Variants in FYB1 observed in about 807,000 individuals in gnomAD.
FYB1 encodes the protein FYN-binding protein 1.
In FYB1, 41 loss-of-function variants were observed where a neutral mutation model predicts 94.1. The ratio of observed to expected loss-of-function variants is 0.44; its 90% confidence interval spans 0.34 to 0.57. FYB1 has a LOEUF of 0.57. Ranked by LOEUF, FYB1 falls within the 20% of genes least tolerant of loss-of-function variation. The pLI is 0.02. For synonymous variants in FYB1, 367 were observed against 353.2 expected (o/e 1.04, Z -0.44); for missense variants, 1,050 against 976.8 (o/e 1.07, Z -1.00).
At chr5:39,239,295 C>G (rs1221603866) in intron 1 of FYB1, among the ~76,000 whole-genome samples, 1 of 152,018 alleles carries the variant, frequency 6.6e-6, no homozygotes, top group Non-Finnish European at 1.5e-5. Context: ...CAACATAGTA[C>G]TGGAAGTCCT....
At chr5:39,245,996 C>T (rs766316424) in intron 1 of FYB1, among the ~76,000 whole-genome samples, 23 of 152,186 alleles carry the variant, frequency 1.5e-4, no homozygotes, top group Non-Finnish European at 2.9e-4. Context: ...GGGATGTCTA[C>T]TTCTACTTTG....
chr5:39,269,019 T>C (rs1465415023), intron 1 of FYB1, among the ~76,000 whole-genome samples: 1 of 152,224 alleles, frequency 6.6e-6, no homozygotes, highest in Non-Finnish European at 1.5e-5. Flanking sequence ...ACCACAGTGC[T>C]CCTGTTTAAG....
At chr5:39,212,459 C>A (rs559416651) in intron 1 of FYB1, among the ~76,000 whole-genome samples, 36 of 152,268 alleles carry the variant, frequency 2.4e-4, no homozygotes, top group African/African-American at 6.7e-4. Context: ...TATTTTGAAA[C>A]CTTACTCTAA....
intron 1 of FYB1, among the ~76,000 whole-genome samples, chr5:39,242,032 A>C (rs543124755): frequency 2.0e-5 from 3 of 152,210 alleles, no homozygotes; most frequent in African/African-American, 7.2e-5. Context: ...AAATCCTTAC[A>C]TGTTTCATTC....
In FYB1 at chr5:39,225,339, G is replaced by A. The variant is rs571397338; in HGVS notation, c.-27-22352C>T. Among the ~76,000 whole-genome samples, 55 of 152,284 alleles carry A rather than the reference G, an allele frequency of 3.6e-4. 1 individual carries two copies. The Middle Eastern group carries it at 0.014, about 38-fold the overall frequency. ...TAGGTTTTTATGTTAGCAAACCAAA[G>A]CCCAATATAAACAATAAGATAAACT... On this transcript the variant is annotated intron_variant, in intron 1 of 1. Coordinates refer to the FYB1 transcript ENST00000510188.
intron 1 of FYB1, among the ~76,000 whole-genome samples, chr5:39,227,363 G>A (rs1343056412): frequency 1.3e-5 from 2 of 152,164 alleles, no homozygotes; most frequent in Non-Finnish European, 2.9e-5. Flanking sequence ...GATGCCAATA[G>A]TATTATGGTT....
intron 16 of FYB1, among the ~76,000 whole-genome samples, chr5:39,116,673 CT>C (rs1739597595): frequency 6.6e-6 from 1 of 152,090 alleles, no homozygotes; most frequent in Admixed American, 6.6e-5. Context: ...GTATCTATTC[CT>C]GTCCATCTAT....
intron 2 of FYB1, among the ~76,000 whole-genome samples, chr5:39,173,898 C>T (rs1389988827): frequency 6.6e-6 from 1 of 152,006 alleles, no homozygotes; most frequent in Admixed American, 6.6e-5. Flanking sequence ...CTTAGTTCTT[C>T]CTGCTTAGTA....
intron 2 of FYB1, among the ~76,000 whole-genome samples, chr5:39,158,587 G>A (rs188740733): frequency 6.6e-6 from 1 of 152,296 alleles, no homozygotes; most frequent in East Asian, 1.9e-4. Flanking sequence ...TGCATTTTAT[G>A]TATTTCTGTT....
At chr5:39,179,986 C>A (rs1440247345) in intron 2 of FYB1, among the ~76,000 whole-genome samples, 1 of 152,126 alleles carries the variant, frequency 6.6e-6, no homozygotes, top group Non-Finnish European at 1.5e-5. Flanking sequence ...CACCCAGTAC[C>A]CCATATTCTC....
rs78551447 is a variant in FYB1 at position 39,124,976 on chromosome 5, G to A, written c.2046-698C>T. On this transcript the variant is annotated intron_variant, in intron 12 of 18. Transcript: ENST00000512982. ...ACACGTACACACACAAACACACCAC[G>A]GAAAGAATGGTGCACAGAACAGAAA... Among the ~76,000 whole-genome samples the A allele has an allele frequency of 3.2e-3, 461 of 142,818 alleles. 2 individuals carry two copies. The highest frequency in any genetic ancestry group is 0.012 in the African/African-American group (451 of 36,794). The allele number at this position is 142,818 out of a possible 152,430, so 93.7% of individuals were successfully genotyped here. A position where few individuals can be genotyped will look rare whatever the true frequency, so the allele number is the denominator to read the frequency against.
upstream of FYB1, among the ~76,000 whole-genome samples, chr5:39,222,388 G>A (rs1260721232): frequency 6.6e-6 from 1 of 152,138 alleles, no homozygotes. Flanking sequence ...ATGTATTAGA[G>A]GCCAAGGGCA....
chr5:39,178,355 G>A (rs1745918208), intron 2 of FYB1, among the ~76,000 whole-genome samples: 1 of 152,192 alleles, frequency 6.6e-6, no homozygotes, highest in Non-Finnish European at 1.5e-5. Flanking sequence ...GATTACAGTA[G>A]CGTTTATTGA....
rs1760313696 is a variant in FYB1, at chr5:39,105,330, T to C, written c.*2113A>G. ...ATACAGAAGACTATAACAGAAATCA[T>C]ATTTAATATATTAAAATTAATACTT... On this transcript the variant is annotated 3_prime_UTR_variant, in exon 19 of 19. Transcript: ENST00000512982. 6.6e-6 allele frequency: 1 copy of C among 152,210 alleles called. No individual in the cohort carries two copies. Among genetic ancestry groups the C allele is most frequent in the Non-Finnish European group, 1.5e-5 (1 of 68,040 alleles). 9.4% of individuals were successfully genotyped at this position (152,210 alleles called of 1,614,324 possible).
At chr5:39,125,467 C>T (rs1740565390) in intron 12 of FYB1, among the ~76,000 whole-genome samples, 1 of 152,018 alleles carries the variant, frequency 6.6e-6, no homozygotes. Context: ...ATTAATATAT[C>T]ATTAGAGTGT....
At chr5:39,152,710 C>T (rs1743352527) in intron 3 of FYB1, among the ~76,000 whole-genome samples, 1 of 152,092 alleles carries the variant, frequency 6.6e-6, no homozygotes, top group Non-Finnish European at 1.5e-5. Flanking sequence ...CATAGCAACC[C>T]CTACAGTGCT....
At chr5:39,217,945 C>T (rs1749997977) in intron 1 of FYB1, among the ~76,000 whole-genome samples, 1 of 152,212 alleles carries the variant, frequency 6.6e-6, no homozygotes. Context: ...ACCGCCTGCA[C>T]TTACTCTTTA....
intron 2 of FYB1, among the ~76,000 whole-genome samples, chr5:39,168,477 A>G (rs1405818478): frequency 6.6e-6 from 1 of 152,152 alleles, no homozygotes; most frequent in Non-Finnish European, 1.5e-5. Flanking sequence ...AAATTTGTGG[A>G]TTTCTGAGAA....
At chr5:39,150,553 C>T (rs1344563608) in intron 3 of FYB1, among the ~76,000 whole-genome samples, 1 of 152,170 alleles carries the variant, frequency 6.6e-6, no homozygotes, top group Admixed American at 6.5e-5. Flanking sequence ...ATCTTTAGAT[C>T]TGTTGTGATT....
Sources: gnomAD v4.1 joint callset for allele counts (sites outside exome capture counted in the v4.1 genomes callset) on GRCh38, gnomAD v4.1.1 for gene constraint, MANE v1.5 for transcripts, NCBI Gene and HGNC (gene_info 2026-07-23, HGNC 2026-07-21) for gene names.